Variants in C3orf70 observed in about 807,000 individuals in gnomAD.
C3orf70 encodes UPF0524 protein C3orf70.
C3orf70 carries 15 observed loss-of-function variants against 20.7 expected under a neutral mutation model. The observed-to-expected ratio is 0.72, with a 90% CI of 0.48 to 1.11. C3orf70 has a LOEUF of 1.11. Among genes scored for constraint, C3orf70 ranks in the 50% most tolerant of loss-of-function variants. The pLI, the probability that C3orf70 is intolerant of heterozygous loss-of-function variation, is 0.00. For synonymous variants in C3orf70, 161 were observed against 125.7 expected (o/e 1.28, Z -1.88); for missense variants, 332 against 317.6 (o/e 1.05, Z -0.34).
At position 185,111,916 on chromosome 3, in the gene C3orf70, C is replaced by T. The variant is rs117922001; in HGVS notation, c.197-28353G>A. ...TCAAAATACTGAACAGAAATGCTAA[C>T]TGAAGTCAAGAGAACAATGCATAAA... is the stretch of plus-strand genomic sequence containing the variant. On this transcript the variant is annotated intron_variant, in intron 1 of 1. Transcript: ENST00000335012. Among the ~76,000 whole-genome samples the T allele has an allele frequency of 0.013, 2,052 of 152,244 alleles. 71 individuals are homozygous for T. In the East Asian group the frequency reaches 0.15, roughly 11 times the overall value.
chr3:185,098,656 T>C (rs770611094), intron 1 of C3orf70, among the ~76,000 whole-genome samples: 2 of 152,250 alleles, frequency 1.3e-5, no homozygotes, highest in Admixed American at 6.5e-5. Context: ...TCATACTGTC[T>C]GAGAACTAAT....
In C3orf70 at chr3:185,081,397, A is replaced by C. The variant is rs1458181069; in HGVS notation, c.*1610T>G. 2 of 151,438 alleles carry C rather than the reference A, an allele frequency of 1.3e-5. No homozygotes were observed. The highest frequency in any genetic ancestry group is 4.9e-5 in the African/African-American group (2 of 41,096). 9.4% of individuals were successfully genotyped at this position (151,438 alleles called of 1,614,324 possible). ...CCGCTGCACTCCAGCCTGGGCAGCA[A>C]GAGGGAAACTCCATCTCAAAAAAAA... is the stretch of plus-strand genomic sequence containing the variant. On this transcript the variant is annotated 3_prime_UTR_variant, in exon 2 of 2. Transcript: ENST00000335012.
intron 1 of C3orf70, among the ~76,000 whole-genome samples, chr3:185,133,144 T>C (rs1253809258): frequency 1.3e-5 from 2 of 152,162 alleles, no homozygotes; most frequent in African/African-American, 2.4e-5. Flanking sequence ...TTATAATCAT[T>C]GGCAAAAACT....
intron 1 of C3orf70, among the ~76,000 whole-genome samples, chr3:185,093,780 C>T (rs544376287): frequency 6.7e-5 from 10 of 150,342 alleles, no homozygotes; most frequent in South Asian, 2.1e-4. Context: ...TAATGGGGGG[C>T]GGGGGGACGT....
chr3:185,122,154 T>A (rs1241045043), intron 1 of C3orf70, among the ~76,000 whole-genome samples: 1 of 144,942 alleles, frequency 6.9e-6, no homozygotes, highest in East Asian at 2.0e-4. Flanking sequence ...CAAACATTAA[T>A]CAAAAGAAAG....
intron 1 of C3orf70, among the ~76,000 whole-genome samples, chr3:185,095,374 A>G (rs1715679937): frequency 6.6e-6 from 1 of 152,248 alleles, no homozygotes. Flanking sequence ...CCATTGCTCT[A>G]GCACACAGCT....
Position 185,082,756 on chromosome 3 carries a change from T to G in C3orf70, c.*251A>C. 1 of 425,776 alleles carries G rather than the reference T, an allele frequency of 2.3e-6. No individual in the cohort carries two copies. The highest frequency in any genetic ancestry group is 4.5e-5 in the South Asian group (1 of 22,362). 26.4% of individuals were successfully genotyped at this position (425,776 alleles called of 1,614,324 possible). On this transcript the variant is annotated 3_prime_UTR_variant, in exon 2 of 2. Coordinates refer to ENST00000335012, the MANE Select transcript of C3orf70 (RefSeq NM_001025266.3). ...ATCTCCCAGTGAAATTAAGGCGGGG[T>G]CACAATTCATGACACCAGATGCTAC... is the stretch of plus-strand genomic sequence containing the variant.
At chr3:185,140,969 C>CAAAAAA (rs35570209) in intron 1 of C3orf70, among the ~76,000 whole-genome samples, 6 of 136,672 alleles carry the variant, frequency 4.4e-5, no homozygotes, top group African/African-American at 1.7e-4. Flanking sequence ...CCCTTGTCAC[C>CAAAAAA]AAAAAAAAAA....
At position 185,077,373 on chromosome 3, in the gene C3orf70, G is replaced by A. The variant is rs941500824; in HGVS notation, c.*5634C>T. Reference sequence around the variant, plus strand: ...CTCATGTACGAGCTGTGCCACACTGGGTAAAGATGTGGACTTCTTGAGCTC... The same window carrying A: ...CTCATGTACGAGCTGTGCCACACTGAGTAAAGATGTGGACTTCTTGAGCTC... On this transcript the variant is annotated 3_prime_UTR_variant, in exon 2 of 2. Transcript: ENST00000335012. Among the ~76,000 whole-genome samples the A allele has an allele frequency of 6.6e-6, 1 of 152,130 alleles. No homozygotes were observed. The highest frequency in any genetic ancestry group is 6.6e-5 in the Admixed American group (1 of 15,266).
chr3:185,116,505 A>G (rs1716176850), intron 1 of C3orf70, among the ~76,000 whole-genome samples: 1 of 152,208 alleles, frequency 6.6e-6, no homozygotes, highest in Non-Finnish European at 1.5e-5. Context: ...GCTATCCTCT[A>G]CATTCTAGGA....
chr3:185,146,121 A>C (rs532976126), intron 1 of C3orf70, among the ~76,000 whole-genome samples: 3 of 152,126 alleles, frequency 2.0e-5, no homozygotes, highest in South Asian at 4.1e-4. Context: ...TATCTCTGGA[A>C]GAACCTATCA....
At chr3:185,128,966 T>C (rs1716472919) in intron 1 of C3orf70, among the ~76,000 whole-genome samples, 2 of 152,226 alleles carry the variant, frequency 1.3e-5, no homozygotes, top group Non-Finnish European at 1.5e-5. Context: ...CAAATATTCC[T>C]TGAGTGCCCA....
rs1489029195 is a variant in C3orf70 at position 185,081,438 on chromosome 3, G to A, written c.*1569C>T. The stretch of plus-strand genomic sequence containing the variant: ...TCAAAAAAAAAAAAATTAATGTGAC[G>A]TAGAGATGTACCATAATGGTGCCAG... On this transcript the variant is annotated 3_prime_UTR_variant, in exon 2 of 2. Transcript: ENST00000335012. The A allele has an allele frequency of 1.3e-5, 2 of 152,020 alleles. No individual in the cohort carries two copies. Among genetic ancestry groups the A allele is most frequent in the South Asian group, 2.1e-4 (1 of 4,818 alleles). 9.4% of individuals were successfully genotyped at this position (152,020 alleles called of 1,614,324 possible).
intron 1 of C3orf70, among the ~76,000 whole-genome samples, chr3:185,120,531 AG>A (rs1716275379): frequency 6.6e-6 from 1 of 152,172 alleles, no homozygotes; most frequent in African/African-American, 2.4e-5. Context: ...TAAATTAGCA[AG>A]GAAAAAAACA....
At chr3:185,091,951 ATATATATATATATTTTTTT>A (rs1561331008) in intron 1 of C3orf70, among the ~76,000 whole-genome samples, 145 of 9,462 alleles carry the variant, frequency 0.015, 6 homozygotes, top group African/African-American at 0.049. Context: ...ATATATATAT[ATATATATATATATTTTTTT>A]TTTTTTTTAG....
chr3:185,122,118 C>A (rs983243068), intron 1 of C3orf70, among the ~76,000 whole-genome samples: 48 of 145,480 alleles, frequency 3.3e-4, no homozygotes, highest in African/African-American at 1.2e-3. Flanking sequence ...AAAAAAAAAG[C>A]AAGAGTATAA....
Position 185,084,522 on chromosome 3 carries a change from G to A in C3orf70, c.197-959C>T, listed in dbSNP as rs548079575. 1.6e-4 allele frequency among the ~76,000 whole-genome samples: 24 copies of A among 151,704 alleles called. No individual in the cohort carries two copies. In the East Asian group the frequency reaches 4.3e-3, roughly 27 times the overall value. Reference sequence around the variant, plus strand: ...AGGTGTCTCCCCCGCACCCCTCCCCGACACCAATTCCACTGGCACTAAGCG... The same window carrying A: ...AGGTGTCTCCCCCGCACCCCTCCCCAACACCAATTCCACTGGCACTAAGCG... On this transcript the variant is annotated intron_variant, in intron 1 of 1. Coordinates refer to ENST00000335012, the MANE Select transcript of C3orf70 (RefSeq NM_001025266.3).
intron 1 of C3orf70, among the ~76,000 whole-genome samples, chr3:185,121,243 G>A (rs1577328636): frequency 2.0e-5 from 3 of 152,164 alleles, no homozygotes; most frequent in South Asian, 4.1e-4. Flanking sequence ...GGGTGGGAAG[G>A]GGATGTGGGA....
At chr3:185,150,367 G>C (rs768706134) in intron 1 of C3orf70, among the ~76,000 whole-genome samples, 11 of 151,950 alleles carry the variant, frequency 7.2e-5, no homozygotes, top group Admixed American at 2.6e-4. Flanking sequence ...ATGAACCTAG[G>C]ACAAACAGCT....
Sources: gnomAD v4.1 joint callset for allele counts (sites outside exome capture counted in the v4.1 genomes callset) on GRCh38, gnomAD v4.1.1 for gene constraint, MANE v1.5 for transcripts, NCBI Gene and HGNC (gene_info 2026-07-23, HGNC 2026-07-21) for gene names.